Variants in NOVA1 observed in about 807,000 individuals in gnomAD.
NOVA1 encodes the protein RNA-binding protein Nova-1.
Under a neutral mutation model 38.0 loss-of-function variants are expected in NOVA1, and 7 were observed. The observed-to-expected ratio is 0.18, with a 90% CI of 0.10 to 0.35. The LOEUF (loss-of-function observed/expected upper bound fraction) is 0.35, where lower values mean the gene tolerates loss of function less well. NOVA1 is among the 10% of genes least tolerant of loss of function. The pLI is 1.00. For missense variants in NOVA1, 460 were observed against 616.0 expected (o/e 0.75, Z 2.68); for synonymous variants, 270 against 232.5 (o/e 1.16, Z -1.47).
chr14:26,505,445 C>T (rs1887574154), intron 2 of NOVA1, among the ~76,000 whole-genome samples: 1 of 152,060 alleles, frequency 6.6e-6, no homozygotes, highest in Non-Finnish European at 1.5e-5. Flanking sequence ...ATGTGCCTTG[C>T]TTCCCTTTAG....
intron 3 of NOVA1, among the ~76,000 whole-genome samples, chr14:26,475,169 A>C (rs954436022): frequency 1.3e-5 from 2 of 152,068 alleles, no homozygotes; most frequent in Non-Finnish European, 2.9e-5. Context: ...CAAGTTGTTT[A>C]TTTCCTTAAT....
intron 4 of NOVA1, among the ~76,000 whole-genome samples, chr14:26,461,382 T>C (rs1317524138): frequency 1.3e-5 from 2 of 152,092 alleles, no homozygotes; most frequent in Admixed American, 6.6e-5. Flanking sequence ...ATTTACCAAA[T>C]ATTGTGTTAA....
chr14:26,559,654 G>A (rs1357503509), intron 2 of NOVA1, among the ~76,000 whole-genome samples: 2 of 152,062 alleles, frequency 1.3e-5, no homozygotes, highest in Non-Finnish European at 2.9e-5. Flanking sequence ...AACAAATATT[G>A]CATGTTCTCA....
chr14:26,569,337 A>G (rs1247315441), intron 2 of NOVA1, among the ~76,000 whole-genome samples: 1 of 152,228 alleles, frequency 6.6e-6, no homozygotes, highest in Non-Finnish European at 1.5e-5. Context: ...AGAATATCAT[A>G]ATGTATTTTA....
rs77992208 is a variant in NOVA1 at position 26,575,711 on chromosome 14, T to C, written c.280+19699A>G. Reference sequence around the variant, plus strand: ...GCAGAACATTTACAGAGATTAAATATCATTTACCAGTAAGACATAGTGATA... The same window carrying C: ...GCAGAACATTTACAGAGATTAAATACCATTTACCAGTAAGACATAGTGATA... On this transcript the variant is annotated intron_variant, in intron 2 of 4. Coordinates refer to ENST00000539517, the MANE Select transcript of NOVA1 (RefSeq NM_002515.3). 5.9e-4 allele frequency among the ~76,000 whole-genome samples: 90 copies of C among 152,162 alleles called. 1 individual carries two copies. In the East Asian group the frequency reaches 0.017, roughly 29 times the overall value.
intron 4 of NOVA1, among the ~76,000 whole-genome samples, chr14:26,465,460 T>C (rs541830638): frequency 1.3e-5 from 2 of 152,298 alleles, no homozygotes; most frequent in East Asian, 3.9e-4. Context: ...CGTGAGCCAC[T>C]GCACCCGGCC....
chr14:26,554,491 T>C (rs1221672778), intron 2 of NOVA1, among the ~76,000 whole-genome samples: 2 of 152,190 alleles, frequency 1.3e-5, no homozygotes, highest in Non-Finnish European at 2.9e-5. Context: ...GAAATTGAGT[T>C]ATAGGTTGGC....
At chr14:26,537,508 A>G (rs1022082841) in intron 2 of NOVA1, among the ~76,000 whole-genome samples, 1 of 152,182 alleles carries the variant, frequency 6.6e-6, no homozygotes, top group African/African-American at 2.4e-5. Context: ...AAAATTCTAC[A>G]TATAAAAAGC....
chr14:26,485,408 T>G (rs557363660), intron 2 of NOVA1, among the ~76,000 whole-genome samples: 1 of 152,118 alleles, frequency 6.6e-6, no homozygotes. Flanking sequence ...AATTTATCAT[T>G]TAAAAAGGGC....
chr14:26,465,595 T>C (rs1384222558), intron 4 of NOVA1, among the ~76,000 whole-genome samples: 1 of 152,252 alleles, frequency 6.6e-6, no homozygotes, highest in Non-Finnish European at 1.5e-5. Flanking sequence ...AAGAAGGCTA[T>C]GTTCTTTTAG....
At chr14:26,487,240 C>G (rs981271624) in intron 2 of NOVA1, among the ~76,000 whole-genome samples, 1 of 152,130 alleles carries the variant, frequency 6.6e-6, no homozygotes, top group Non-Finnish European at 1.5e-5. Flanking sequence ...ATTCAAAGGT[C>G]TTCTCTGAAG....
At chr14:26,539,849 CTAT>C (rs1890341900) in intron 2 of NOVA1, among the ~76,000 whole-genome samples, 1 of 148,582 alleles carries the variant, frequency 6.7e-6, no homozygotes, top group East Asian at 2.0e-4. Context: ...TCTTCAAAGA[CTAT>C]AATAATAAGA....
intron 2 of NOVA1, among the ~76,000 whole-genome samples, chr14:26,542,590 A>G (rs1462287363): frequency 6.6e-6 from 1 of 151,784 alleles, no homozygotes; most frequent in Non-Finnish European, 1.5e-5. Flanking sequence ...TAACAATTTA[A>G]TTTTCTATTA....
intron 2 of NOVA1, among the ~76,000 whole-genome samples, chr14:26,529,268 G>A (rs1889528158): frequency 6.6e-6 from 1 of 151,948 alleles, no homozygotes; most frequent in African/African-American, 2.4e-5. Flanking sequence ...CTCCCAAGTA[G>A]CTGGGATTAC....
chr14:26,481,993 A>AAAAAAAAC (rs1885500479), intron 2 of NOVA1, among the ~76,000 whole-genome samples: 4 of 29,754 alleles, frequency 1.3e-4, no homozygotes, highest in Non-Finnish European at 6.4e-4. Flanking sequence ...AGAGATAAAA[A>AAAAAAAAC]AAAAAAAAAA....
At chr14:26,472,729 A>G (rs1006233651) in intron 3 of NOVA1, among the ~76,000 whole-genome samples, 2 of 151,976 alleles carry the variant, frequency 1.3e-5, no homozygotes, top group Non-Finnish European at 2.9e-5. Flanking sequence ...GATGTAAAAA[A>G]AAAAAAAATT....
intron 2 of NOVA1, among the ~76,000 whole-genome samples, chr14:26,485,182 C>G (rs1000655080): frequency 2.0e-5 from 3 of 152,022 alleles, no homozygotes; most frequent in African/African-American, 4.8e-5. Context: ...TGGCACACTA[C>G]AGATACTCAA....
chr14:26,528,565 G>C (rs958750390), intron 2 of NOVA1, among the ~76,000 whole-genome samples: 2 of 152,008 alleles, frequency 1.3e-5, no homozygotes, highest in Non-Finnish European at 2.9e-5. Flanking sequence ...GTAGAAAAAA[G>C]AATACCTTAG....
intron 2 of NOVA1, among the ~76,000 whole-genome samples, chr14:26,548,497 A>G (rs1010084130): frequency 6.6e-6 from 1 of 152,148 alleles, no homozygotes; most frequent in Non-Finnish European, 1.5e-5. Flanking sequence ...TTCTTCACAT[A>G]GAACAGTCTA....
Sources: allele counts gnomAD v4.1 joint callset (sites outside exome capture counted in the v4.1 genomes callset), GRCh38; gene constraint gnomAD v4.1.1; transcripts MANE v1.5; gene names NCBI Gene and HGNC (gene_info 2026-07-23, HGNC 2026-07-21).